TTC28: variants seen among roughly 807,000 people sequenced by gnomAD.
TTC28 encodes the protein tetratricopeptide repeat protein 28.
TTC28 carries 61 observed loss-of-function variants against 198.0 expected under a neutral mutation model. That is an observed-to-expected ratio of 0.31 (90% CI 0.25 to 0.38). TTC28 has a LOEUF of 0.38. Ranked by LOEUF, TTC28 falls within the 10% of genes least tolerant of loss-of-function variation. TTC28 has a pLI of 1.00. For synonymous variants in TTC28, 1,171 were observed against 1,297.8 expected (o/e 0.90, Z 2.10); for missense variants, 2,678 against 3,164.0 (o/e 0.85, Z 3.69).
chr22:28,308,375 TTA>T (rs1184407882), intron 2 of TTC28, among the ~76,000 whole-genome samples: 6 of 152,216 alleles, frequency 3.9e-5, no homozygotes, highest in Admixed American at 1.3e-4. Context: ...ATATACATAT[TTA>T]TGTTTTTATA....
chr22:28,608,939 G>A (rs916316519), intron 2 of TTC28, among the ~76,000 whole-genome samples: 3 of 152,098 alleles, frequency 2.0e-5, no homozygotes, highest in African/African-American at 7.2e-5. Flanking sequence ...GAGGGGGAGA[G>A]CTGATTTCCA....
chr22:27,994,370 C>A (rs1205315069), intron 17 of TTC28: 2 of 152,250 alleles, frequency 1.3e-5, no homozygotes, highest in East Asian at 1.9e-4. Context: ...AAACCCCTGT[C>A]CACTCTGGGA....
chr22:28,410,751 A>C (rs1472086801), intron 2 of TTC28, among the ~76,000 whole-genome samples: 1 of 152,244 alleles, frequency 6.6e-6, no homozygotes, highest in African/African-American at 2.4e-5. Flanking sequence ...TTAAATGATG[A>C]ATTTAGAATA....
chr22:28,311,508 C>G (rs1177790950), intron 2 of TTC28, among the ~76,000 whole-genome samples: 1 of 151,926 alleles, frequency 6.6e-6, no homozygotes, highest in African/African-American at 2.4e-5. Flanking sequence ...TTTTTGAAAA[C>G]TTTATATTTT....
At chr22:28,423,860 G>GTGTA (rs2047304477) in intron 2 of TTC28, among the ~76,000 whole-genome samples, 1 of 152,176 alleles carries the variant, frequency 6.6e-6, no homozygotes, top group Non-Finnish European at 1.5e-5. Flanking sequence ...ACAACTTACA[G>GTGTA]TGTATGCTTC....
At chr22:28,268,131 T>C (rs1261747076) in intron 5 of TTC28, among the ~76,000 whole-genome samples, 1 of 152,190 alleles carries the variant, frequency 6.6e-6, no homozygotes, top group African/African-American at 2.4e-5. Flanking sequence ...GCAGCCTTAC[T>C]GGAGAGTTTA....
chr22:28,063,548 G>A (rs1000025749), intron 12 of TTC28, among the ~76,000 whole-genome samples: 4 of 152,158 alleles, frequency 2.6e-5, no homozygotes, highest in Middle Eastern at 6.8e-3. Flanking sequence ...ACTGCCCACC[G>A]CAGAGAGTTT....
At chr22:28,063,154 A>G (rs1304072324) in intron 12 of TTC28, among the ~76,000 whole-genome samples, 7 of 152,218 alleles carry the variant, frequency 4.6e-5, no homozygotes. Flanking sequence ...CTAAATGCAT[A>G]GCTAAAGTCC....
At chr22:28,302,039 A>AAATAATAATAAT (rs10656307) in intron 3 of TTC28, among the ~76,000 whole-genome samples, 16 of 145,572 alleles carry the variant, frequency 1.1e-4, no homozygotes, top group South Asian at 9.0e-4. Context: ...TCCTGTCTCA[A>AAATAATAATAAT]AATAATAATA....
chr22:28,498,122 T>C (rs1397321605), intron 2 of TTC28, among the ~76,000 whole-genome samples: 2 of 151,230 alleles, frequency 1.3e-5, no homozygotes, highest in Admixed American at 6.6e-5. Flanking sequence ...AATAGAACAT[T>C]GACCTGAGCC....
chr22:28,636,615 C>T (rs979540545), intron 1 of TTC28, among the ~76,000 whole-genome samples: 1 of 152,084 alleles, frequency 6.6e-6, no homozygotes, highest in African/African-American at 2.4e-5. Context: ...ATTGCTGGAT[C>T]CTATGGTAGT....
At chr22:28,277,599 T>C (rs1027191114) in intron 5 of TTC28, among the ~76,000 whole-genome samples, 2 of 152,226 alleles carry the variant, frequency 1.3e-5, no homozygotes, top group Admixed American at 6.5e-5. Context: ...TTCTAAAAAC[T>C]GGACACACGG....
chr22:28,630,110 C>G (rs2051149778), intron 1 of TTC28, among the ~76,000 whole-genome samples: 1 of 152,156 alleles, frequency 6.6e-6, no homozygotes, highest in Non-Finnish European at 1.5e-5. Context: ...CTTGCTTCCT[C>G]TCACTTTGTG....
chr22:28,416,716 A>T lies in TTC28; in HGVS notation c.382-110073T>A, dbSNP rs117750534. ...TACCAATCTTCACAACCCATTCGGG[A>T]AAGCATAGCACACAACACTGAAACA... On this transcript the variant is annotated intron_variant, in intron 2 of 22. Coordinates refer to ENST00000397906, the MANE Select transcript of TTC28 (RefSeq NM_001145418.2). Among the ~76,000 whole-genome samples, 1,316 of 152,334 alleles carry T rather than the reference A, an allele frequency of 8.6e-3. 11 individuals are homozygous for T. The highest frequency in any genetic ancestry group is 0.013 in the Non-Finnish European group (884 of 68,020).
Position 28,107,614 on chromosome 22 carries a change from G to T in TTC28, c.2231C>A (p.Ala744Asp), listed in dbSNP as rs1247202249. ...TAATCTTCTGTCCTTTACCTGGTGA[G>T]CTAAGCCCAGTTGCTGCTCATAGAA... is the stretch of plus-strand genomic sequence containing the variant. ...IKFYEQQLGL[A>D]HQVKDRRLEA... is the part of the protein sequence containing the mutation. Residue 744 changes from alanine (A) to aspartate (D), a missense_variant, in exon 7 of 23, where the codon GCT (alanine) becomes GAT (aspartate). This residue lies in a region of TTC28 where 775 missense variants were observed against 845.9 expected (regional missense o/e 0.92). Transcript: ENST00000397906. 3 of 1,551,756 alleles carry T rather than the reference G, an allele frequency of 1.9e-6. No homozygotes were observed. In the South Asian group the frequency reaches 3.6e-5, roughly 18 times the overall value.
chr22:27,997,244 G>A (rs1189789736), intron 16 of TTC28, among the ~76,000 whole-genome samples: 1 of 152,252 alleles, frequency 6.6e-6, no homozygotes, highest in African/African-American at 2.4e-5. Context: ...AGGGACGGCC[G>A]TGAGGTGACT....
At chr22:28,096,147 T>A (rs908360243) in intron 11 of TTC28, 43 bp downstream of exon 11, 2 of 1,495,570 alleles carry the variant, frequency 1.3e-6, no homozygotes, top group Non-Finnish European at 1.8e-6. Context: ...CTTTCACAGG[T>A]CTAGTCTTCT....
At chr22:28,085,925 G>C (rs537305107) in intron 12 of TTC28, among the ~76,000 whole-genome samples, 1 of 152,068 alleles carries the variant, frequency 6.6e-6, no homozygotes. Context: ...AGGCCATTAC[G>C]TAATGGTAAA....
chr22:28,220,928 G>A (rs879508856), intron 5 of TTC28, among the ~76,000 whole-genome samples: 27 of 152,176 alleles, frequency 1.8e-4, no homozygotes, highest in Non-Finnish European at 3.5e-4. Flanking sequence ...ACAGTATGGA[G>A]AGAAGGAATA....
Sources: gnomAD v4.1 joint callset for allele counts (sites outside exome capture counted in the v4.1 genomes callset) on GRCh38, gnomAD v4.1.1 for gene constraint, gnomAD v4.1.1 regional missense constraint, MANE v1.5 for transcripts, NCBI Gene and HGNC (gene_info 2026-07-23, HGNC 2026-07-21) for gene names.